UBE2D2: variants seen among roughly 807,000 people sequenced by gnomAD.
UBE2D2 encodes the protein ubiquitin-conjugating enzyme E2 D2.
UBE2D2 carries 2 observed loss-of-function variants against 24.2 expected under a neutral mutation model. The observed-to-expected ratio is 0.08, with a 90% CI of 0.03 to 0.26. UBE2D2 has a LOEUF of 0.26. Ranked by LOEUF, UBE2D2 falls within the 10% of genes least tolerant of loss-of-function variation. The pLI is 1.00. For missense variants in UBE2D2, 44 were observed against 177.6 expected, an observed-to-expected ratio of 0.25 and a Z score of 4.28; for synonymous variants, 58 against 56.5, an observed-to-expected ratio of 1.03 and a Z score of -0.12.
At chr5:139,543,863 AT>A (rs959772997) in intron 1 of UBE2D2, among the ~76,000 whole-genome samples, 15 of 152,174 alleles carry the variant, frequency 9.9e-5, no homozygotes, top group African/African-American at 3.6e-4. Flanking sequence ...AGTAGGCACA[AT>A]TTGCATGAAG....
chr5:139,601,519 G>C (rs1224057833), intron 2 of UBE2D2, among the ~76,000 whole-genome samples: 1 of 152,138 alleles, frequency 6.6e-6, no homozygotes, highest in Non-Finnish European at 1.5e-5. Context: ...AAGGTGGGAG[G>C]TTTGCTTTAG....
intron 1 of UBE2D2, among the ~76,000 whole-genome samples, chr5:139,534,960 A>G (rs1000020851): frequency 1.7e-4 from 25 of 151,388 alleles, no homozygotes; most frequent in African/African-American, 5.1e-4. Flanking sequence ...GCAACATGGC[A>G]AAACCTTGTC....
chr5:139,615,066 AG>A, intron 5 of UBE2D2, 100 bp downstream of exon 5: 1 of 1,180,052 alleles, frequency 8.5e-7, no homozygotes, highest in Non-Finnish European at 1.2e-6. Flanking sequence ...TTTTAAGAAG[AG>A]ATAGCAATTC....
chr5:139,585,716 AT>A (rs1753713527), intron 1 of UBE2D2, among the ~76,000 whole-genome samples: 2 of 152,136 alleles, frequency 1.3e-5, no homozygotes, highest in South Asian at 4.1e-4. Flanking sequence ...AGTGAAGAAT[AT>A]GATATACCTT....
At chr5:139,544,168 C>CTTTCT (rs1554075785) in intron 1 of UBE2D2, among the ~76,000 whole-genome samples, 1 of 136,602 alleles carries the variant, frequency 7.3e-6, no homozygotes, top group African/African-American at 2.6e-5. Flanking sequence ...TTCTTTCTTT[C>CTTTCT]TTTTTTTTTT....
chr5:139,577,466 T>G (rs1301003110), intron 1 of UBE2D2, among the ~76,000 whole-genome samples: 2 of 136,788 alleles, frequency 1.5e-5, no homozygotes, highest in African/African-American at 5.6e-5. Context: ...CAGGCTGGAG[T>G]GCAATGGGGT....
chr5:139,609,903 C>T (rs1754277092), intron 2 of UBE2D2, among the ~76,000 whole-genome samples: 1 of 151,598 alleles, frequency 6.6e-6, no homozygotes, highest in Non-Finnish European at 1.5e-5. Context: ...TCCCGAGTAG[C>T]TGGGATTACA....
intron 2 of UBE2D2, among the ~76,000 whole-genome samples, chr5:139,602,950 C>G (rs1354425098): frequency 2.0e-5 from 3 of 152,122 alleles, no homozygotes; most frequent in African/African-American, 7.2e-5. Context: ...TGCTGTTACA[C>G]ACGTTGTCTC....
intron 2 of UBE2D2, among the ~76,000 whole-genome samples, chr5:139,611,325 T>A (rs2126698352): frequency 6.6e-6 from 1 of 151,988 alleles, no homozygotes; most frequent in Admixed American, 6.6e-5. Flanking sequence ...TAGCTGGGAT[T>A]ACAGACGCCC....
At chr5:139,561,952 C>T (rs1753110035) in intron 1 of UBE2D2, 137 bp downstream of exon 1, 2 of 1,236,002 alleles carry the variant, frequency 1.6e-6, no homozygotes, top group Non-Finnish European at 2.1e-6. Flanking sequence ...GGCCTCCATA[C>T]CCCACTCCCA....
At chr5:139,582,823 G>A (rs431184) in intron 1 of UBE2D2, among the ~76,000 whole-genome samples, 62,224 of 151,226 alleles carry the variant, frequency 0.41, 15,748 homozygotes, top group African/African-American at 0.72. Context: ...GGCATCCGCC[G>A]CCACGCCCAG....
intron 1 of UBE2D2, among the ~76,000 whole-genome samples, chr5:139,594,260 A>G (rs958141045): frequency 6.6e-6 from 1 of 152,202 alleles, no homozygotes; most frequent in African/African-American, 2.4e-5. Context: ...TCAAGGATAT[A>G]GTGAAAGGGA....
intron 1 of UBE2D2, among the ~76,000 whole-genome samples, chr5:139,550,326 T>C (rs1422850751): frequency 6.6e-6 from 1 of 152,164 alleles, no homozygotes; most frequent in Non-Finnish European, 1.5e-5. Flanking sequence ...GCTGGAGGAT[T>C]GTAAATACAG....
chr5:139,613,897 A>C (rs1316440545), intron 2 of UBE2D2, among the ~76,000 whole-genome samples: 1 of 152,090 alleles, frequency 6.6e-6, no homozygotes, highest in Non-Finnish European at 1.5e-5. Flanking sequence ...CCTTGTCTCT[A>C]CTAAAAATAC....
At chr5:139,536,347 C>T (rs1352121478) in intron 1 of UBE2D2, among the ~76,000 whole-genome samples, 2 of 151,648 alleles carry the variant, frequency 1.3e-5, no homozygotes, top group African/African-American at 2.4e-5. Context: ...GATCCGCCCG[C>T]CTCCGCCTCC....
chr5:139,596,128 A>G (rs565150290), intron 1 of UBE2D2, among the ~76,000 whole-genome samples: 196 of 151,470 alleles, frequency 1.3e-3, no homozygotes, highest in African/African-American at 4.6e-3. Flanking sequence ...TCCTGACCTC[A>G]TGATCCGCCC....
intron 1 of UBE2D2, among the ~76,000 whole-genome samples, chr5:139,590,460 AAG>A (rs1301882734): frequency 6.6e-6 from 1 of 151,818 alleles, no homozygotes; most frequent in Non-Finnish European, 1.5e-5. Context: ...AAAAAAAAGA[AAG>A]AAAAAGGAAC....
At chr5:139,606,898 G>T (rs1055846353) in intron 2 of UBE2D2, among the ~76,000 whole-genome samples, 2 of 151,990 alleles carry the variant, frequency 1.3e-5, no homozygotes, top group Non-Finnish European at 2.9e-5. Flanking sequence ...TCTGCCTCCC[G>T]GGTTCAAGCA....
chr5:139,596,216 T>C lies in UBE2D2; in HGVS notation c.25-4156T>C, dbSNP rs748358743. Among the ~76,000 whole-genome samples, 56 of 151,112 alleles carry C rather than the reference T, an allele frequency of 3.7e-4. 1 individual carries two copies. The highest frequency in any genetic ancestry group is 2.7e-4 in the Admixed American group (4 of 15,068). ...GTTTCTTGTGTATTCTTGGGAGATA[T>C]TTTATGCACATGTAAAGATGGATAG... On this transcript the variant is annotated intron_variant, in intron 1 of 6. Transcript: ENST00000398733.
Sources: gnomAD v4.1 joint callset for allele counts (sites outside exome capture counted in the v4.1 genomes callset) on GRCh38, gnomAD v4.1.1 for gene constraint, MANE v1.5 for transcripts, NCBI Gene and HGNC (gene_info 2026-07-23, HGNC 2026-07-21) for gene names.